The following PDLIM1 variants were observed in gnomAD, a reference collection of about 807,000 sequenced individuals.
The protein encoded by PDLIM1 is PDZ and LIM domain 1.
A neutral mutation model predicts 35.2 loss-of-function variants in PDLIM1; 25 were observed. That is an observed-to-expected ratio of 0.71 (90% CI 0.52 to 0.99). The LOEUF is 0.99. PDLIM1 is among the 50% of genes least tolerant of loss of function. The pLI, the probability that PDLIM1 is intolerant of heterozygous loss-of-function variation, is 0.00. For synonymous variants in PDLIM1, 152 were observed against 154.0 expected (o/e 0.99, Z 0.10); for missense variants, 363 against 415.3 (o/e 0.87, Z 1.09).
At chr10:95,238,769 A>G in intron 5 of PDLIM1, 84 bp from the exon 6 acceptor site, 1 of 846,760 alleles carries the variant, frequency 1.2e-6, no homozygotes, top group Non-Finnish European at 2.0e-6. Context: ...ACTTATAAAT[A>G]TATGTTCAAG....
At chr10:95,276,770 C>T (rs1036314853) in intron 1 of PDLIM1, among the ~76,000 whole-genome samples, 9 of 152,040 alleles carry the variant, frequency 5.9e-5, no homozygotes, top group African/African-American at 7.2e-5. Flanking sequence ...AGCTGGTGAG[C>T]GGCAGGCCAC....
rs765271471 is a variant in PDLIM1, at chr10:95,237,891, G to C, written c.*34C>G. On this transcript the variant is annotated 3_prime_UTR_variant, in exon 7 of 7. Transcript: ENST00000329399. ...CACTGAGAGAAAAAGCTGCAGCAGAGGCCTGCTGGAGAACAGTGGTCAGAT... is the reference window on the plus strand; with the variant it reads ...CACTGAGAGAAAAAGCTGCAGCAGACGCCTGCTGGAGAACAGTGGTCAGAT... 5.1e-6 allele frequency: 8 copies of C among 1,581,594 alleles called. No individual in the cohort carries two copies. Among genetic ancestry groups the C allele is most frequent in the Non-Finnish European group, 6.9e-6 (8 of 1,152,918 alleles).
At chr10:95,263,209 C>A (rs1180449240) in intron 4 of PDLIM1, among the ~76,000 whole-genome samples, 1 of 151,968 alleles carries the variant, frequency 6.6e-6, no homozygotes, top group Non-Finnish European at 1.5e-5. Flanking sequence ...AGAGGACATG[C>A]CTCCTCAGTC....
chr10:95,282,180 T>C (rs563979101), intron 1 of PDLIM1, among the ~76,000 whole-genome samples: 1 of 152,262 alleles, frequency 6.6e-6, no homozygotes, highest in Non-Finnish European at 1.5e-5. Flanking sequence ...GTCAAGGTAT[T>C]TGGGTACAAA....
chr10:95,276,896 TAAAAAAAAAAAAA>T (rs61442624), intron 1 of PDLIM1, among the ~76,000 whole-genome samples: 1 of 68,878 alleles, frequency 1.5e-5, no homozygotes, highest in Non-Finnish European at 2.6e-5. Context: ...TTCAGTTTCC[TAAAAAAAAAAAAA>T]AAAAAAAAAA....
intron 1 of PDLIM1, among the ~76,000 whole-genome samples, chr10:95,279,329 C>T (rs2035540892): frequency 6.6e-6 from 1 of 152,202 alleles, no homozygotes; most frequent in Admixed American, 6.5e-5. Flanking sequence ...ACTATCTCAC[C>T]TACTCAAAAC....
chr10:95,281,348 G>A lies in PDLIM1; in HGVS notation c.96+9472C>T, dbSNP rs143642512. ...AATCCCAGTACTTTGGGAGGCCACA[G>A]CAGGAAGACTGCTTAAGCCCAGGAT... On this transcript the variant is annotated intron_variant, in intron 1 of 6. Transcript: ENST00000329399. Among the ~76,000 whole-genome samples, 1,067 of 151,672 alleles carry A rather than the reference G, an allele frequency of 7.0e-3. 5 individuals are homozygous for A. Among genetic ancestry groups the A allele is most frequent in the African/African-American group, 0.012 (508 of 41,408 alleles).
chr10:95,288,920 T>A (rs2035625679), intron 1 of PDLIM1, among the ~76,000 whole-genome samples: 2 of 152,224 alleles, frequency 1.3e-5, no homozygotes, highest in African/African-American at 4.8e-5. Context: ...TGGAATATGA[T>A]ACGTGCTCAT....
intron 4 of PDLIM1, among the ~76,000 whole-genome samples, chr10:95,254,469 AAAC>A (rs2035293575): frequency 6.6e-6 from 1 of 152,242 alleles, no homozygotes; most frequent in African/African-American, 2.4e-5. Flanking sequence ...TGTGTGCATC[AAAC>A]AACAGAGCTT....
At position 95,266,398 on chromosome 10, in the gene PDLIM1, T is replaced by C. The variant is rs574532217; in HGVS notation, c.334-2335A>G. 7.9e-5 allele frequency among the ~76,000 whole-genome samples: 12 copies of C among 152,144 alleles called. No individual in the cohort carries two copies. In the South Asian group the frequency reaches 2.5e-3, roughly 32 times the overall value. On this transcript the variant is annotated intron_variant, in intron 3 of 6. Transcript: ENST00000329399. ...CCTACATGTGCCGCAGCCAGGATGG[T>C]CATTCTTTCTTCTTCTCTCCATCAC...
At chr10:95,239,018 A>ACACATAGACCAATG (rs2035151922) in intron 5 of PDLIM1, among the ~76,000 whole-genome samples, 2 of 66,422 alleles carry the variant, frequency 3.0e-5, no homozygotes, top group African/African-American at 4.3e-5. Flanking sequence ...AGAAGAACAG[A>ACACATAGACCAATG]GAACAGAGAA....
chr10:95,285,482 C>G (rs2035595064), intron 1 of PDLIM1, among the ~76,000 whole-genome samples: 1 of 152,148 alleles, frequency 6.6e-6, no homozygotes, highest in Non-Finnish European at 1.5e-5. Flanking sequence ...TTAAAGCTGG[C>G]CTGGAAGTGA....
intron 4 of PDLIM1, among the ~76,000 whole-genome samples, chr10:95,259,580 T>C (rs1015420373): frequency 1.3e-5 from 2 of 152,274 alleles, no homozygotes; most frequent in African/African-American, 4.8e-5. Flanking sequence ...GGGGTAATTG[T>C]GGGCACCAGG....
At chr10:95,282,893 G>A (rs1011799908) in intron 1 of PDLIM1, among the ~76,000 whole-genome samples, 2 of 152,184 alleles carry the variant, frequency 1.3e-5, no homozygotes, top group Non-Finnish European at 2.9e-5. Flanking sequence ...GCAATGAGCC[G>A]AGATCATGCC....
chr10:95,259,577 T>C (rs1041025421), intron 4 of PDLIM1, among the ~76,000 whole-genome samples: 9 of 152,134 alleles, frequency 5.9e-5, no homozygotes, highest in Non-Finnish European at 1.0e-4. Flanking sequence ...AGAGGGGTAA[T>C]TGTGGGCACC....
At chr10:95,284,498 T>C (rs2035585865) in intron 1 of PDLIM1, among the ~76,000 whole-genome samples, 2 of 151,978 alleles carry the variant, frequency 1.3e-5, no homozygotes, top group Admixed American at 1.3e-4. Flanking sequence ...GAACTACAGG[T>C]GCCTGCCACT....
chr10:95,267,835 A>G (rs1435265015), intron 3 of PDLIM1, among the ~76,000 whole-genome samples: 1 of 152,228 alleles, frequency 6.6e-6, no homozygotes, highest in African/African-American at 2.4e-5. Flanking sequence ...TAGAAAAATA[A>G]GTTAAATTTC....
chr10:95,274,177 C>T (rs1390990846), intron 1 of PDLIM1, among the ~76,000 whole-genome samples: 1 of 152,136 alleles, frequency 6.6e-6, no homozygotes, highest in Non-Finnish European at 1.5e-5. Context: ...GACTTTCACA[C>T]CTGCCTTTAC....
At chr10:95,273,101 A>G (rs1363490521) in intron 1 of PDLIM1, 3 of 152,208 alleles carry the variant, frequency 2.0e-5, no homozygotes, top group East Asian at 1.9e-4. Flanking sequence ...TACTAAAAAT[A>G]TTACTGTCAT....
Sources: allele counts gnomAD v4.1 joint callset (sites outside exome capture counted in the v4.1 genomes callset), GRCh38; gene constraint gnomAD v4.1.1; transcripts MANE v1.5; gene names NCBI Gene and HGNC (gene_info 2026-07-23, HGNC 2026-07-21).